DGKB: variants seen among roughly 807,000 people sequenced by gnomAD.
The protein encoded by DGKB is diacylglycerol kinase beta.
A neutral mutation model predicts 114.3 loss-of-function variants in DGKB; 67 were observed. That is an observed-to-expected ratio of 0.59 (90% confidence interval 0.48 to 0.72). The LOEUF is 0.72. Ranked by LOEUF, DGKB falls within the 30% of genes least tolerant of loss-of-function variation. The probability of loss-of-function intolerance (pLI) is 0.00; values close to 1 mark genes in which losing one functional copy is unlikely to be tolerated. For missense variants in DGKB, 907 were observed against 975.2 expected (o/e 0.93, Z 0.93); for synonymous variants, 398 against 323.1 (o/e 1.23, Z -2.49).
At chr7:14,193,677 A>G (rs1784622292) in intron 23 of DGKB, among the ~76,000 whole-genome samples, 1 of 152,204 alleles carries the variant, frequency 6.6e-6, no homozygotes, top group Non-Finnish European at 1.5e-5. Context: ...ACAGACAACG[A>G]AAGCAAAAAG....
chr7:14,891,569 A>G (rs1172738461), intron 1 of DGKB, among the ~76,000 whole-genome samples: 1 of 151,518 alleles, frequency 6.6e-6, no homozygotes, highest in Non-Finnish European at 1.5e-5. Flanking sequence ...GAAGAGATAA[A>G]GAGGGACCAT....
chr7:14,462,102 A>C (rs930632348), intron 21 of DGKB, among the ~76,000 whole-genome samples: 1 of 152,232 alleles, frequency 6.6e-6, no homozygotes, highest in African/African-American at 2.4e-5. Flanking sequence ...GATGGAATGT[A>C]TCTCAAAATA....
chr7:14,586,543 A>G (rs1584971113), intron 17 of DGKB, among the ~76,000 whole-genome samples: 1 of 152,152 alleles, frequency 6.6e-6, no homozygotes, highest in Admixed American at 6.6e-5. Flanking sequence ...CAATTTTTCA[A>G]TGTAGACAAC....
intron 2 of DGKB, among the ~76,000 whole-genome samples, chr7:14,786,167 C>T (rs1195374114): frequency 2.0e-5 from 3 of 151,968 alleles, no homozygotes; most frequent in Admixed American, 6.6e-5. Flanking sequence ...CACACACGCA[C>T]ACAGCCTTAA....
At chr7:14,708,874 C>G (rs1826798222) in intron 6 of DGKB, among the ~76,000 whole-genome samples, 1 of 150,942 alleles carries the variant, frequency 6.6e-6, no homozygotes, top group Non-Finnish European at 1.5e-5. Flanking sequence ...AAAAGAAAAC[C>G]TAGGCTTTAC....
intron 5 of DGKB, among the ~76,000 whole-genome samples, chr7:14,728,212 T>C (rs745951624): frequency 6.6e-6 from 1 of 152,172 alleles, no homozygotes; most frequent in Non-Finnish European, 1.5e-5. Context: ...GAGATAGCTG[T>C]TACTACTCTC....
chr7:14,392,162 T>A (rs1420697498), intron 21 of DGKB, among the ~76,000 whole-genome samples: 1 of 152,190 alleles, frequency 6.6e-6, no homozygotes. Context: ...GACTTGGAGG[T>A]ATGAATGCAT....
At chr7:14,804,995 T>C (rs951502553) in intron 2 of DGKB, among the ~76,000 whole-genome samples, 8 of 152,118 alleles carry the variant, frequency 5.3e-5, no homozygotes, top group African/African-American at 1.9e-4. Context: ...ATTTTTATTG[T>C]CTGATTTTCA....
chr7:14,649,722 C>A (rs550885015), intron 13 of DGKB, among the ~76,000 whole-genome samples: 3,111 of 139,872 alleles, frequency 0.022, 131 homozygotes, highest in African/African-American at 0.082. Flanking sequence ...AGAGTCAAGA[C>A]CCATCAGTGT....
intron 4 of DGKB, among the ~76,000 whole-genome samples, chr7:14,749,668 T>A (rs960114175): frequency 6.6e-6 from 1 of 152,150 alleles, no homozygotes; most frequent in Non-Finnish European, 1.5e-5. Flanking sequence ...TGTGACACTG[T>A]CTTGTCACAC....
chr7:14,668,833 C>G lies in DGKB; in HGVS notation c.1134+4096G>C, dbSNP rs146312358. On this transcript the variant is annotated intron_variant, in intron 13 of 25. Transcript: ENST00000402815. ...TTTGCATATATTCTCAACTCTCTGG[C>G]TGCCCTCTCTGTACATCACATTTGC... is the stretch of plus-strand genomic sequence containing the variant. Among the ~76,000 whole-genome samples, 4 of 152,244 alleles carry G rather than the reference C, an allele frequency of 2.6e-5. No individual in the cohort carries two copies. The East Asian group carries it at 7.7e-4, about 29-fold the overall frequency.
At chr7:14,182,584 A>G (rs1782800299) in intron 23 of DGKB, among the ~76,000 whole-genome samples, 2 of 152,206 alleles carry the variant, frequency 1.3e-5, no homozygotes, top group African/African-American at 4.8e-5. Context: ...TGTCATTTTA[A>G]AGTTTATAAA....
chr7:14,473,846 G>T (rs1017980712), intron 21 of DGKB, among the ~76,000 whole-genome samples: 6 of 152,170 alleles, frequency 3.9e-5, no homozygotes, highest in African/African-American at 1.4e-4. Context: ...TAGCCCCTTT[G>T]TTTTGGCCAA....
At chr7:14,390,379 A>G (rs1339219909) in intron 21 of DGKB, among the ~76,000 whole-genome samples, 1 of 152,188 alleles carries the variant, frequency 6.6e-6, no homozygotes, top group Non-Finnish European at 1.5e-5. Flanking sequence ...TTGGCAATGC[A>G]GTTTTTGAGG....
chr7:14,573,516 G>C (rs919467213), intron 20 of DGKB, among the ~76,000 whole-genome samples: 3 of 150,376 alleles, frequency 2.0e-5, no homozygotes, highest in African/African-American at 7.4e-5. Context: ...TATGAGATGT[G>C]ACATGACATA....
chr7:14,200,377 C>T (rs1785668375), intron 23 of DGKB, among the ~76,000 whole-genome samples: 1 of 151,990 alleles, frequency 6.6e-6, no homozygotes, highest in South Asian at 2.1e-4. Flanking sequence ...AGTGAGACAA[C>T]TCCTCATTGT....
chr7:14,636,123 A>G (rs1810708661), intron 13 of DGKB, among the ~76,000 whole-genome samples: 1 of 151,748 alleles, frequency 6.6e-6, no homozygotes, highest in Non-Finnish European at 1.5e-5. Flanking sequence ...GTTAAAGTCC[A>G]ATTCTGTACT....
chr7:14,545,007 A>T (rs1020754244), intron 20 of DGKB, among the ~76,000 whole-genome samples: 2 of 151,762 alleles, frequency 1.3e-5, no homozygotes, highest in African/African-American at 4.8e-5. Context: ...TAAAAAACAG[A>T]TTTTAAACAT....
At chr7:14,885,141 AATG>A (rs1262954956) in intron 1 of DGKB, among the ~76,000 whole-genome samples, 1 of 151,966 alleles carries the variant, frequency 6.6e-6, no homozygotes, top group Non-Finnish European at 1.5e-5. Flanking sequence ...ATGTTCCTTG[AATG>A]ATGAGTAGAG....
Sources: allele counts gnomAD v4.1 joint callset (sites outside exome capture counted in the v4.1 genomes callset), GRCh38; gene constraint gnomAD v4.1.1; transcripts MANE v1.5; gene names NCBI Gene and HGNC (gene_info 2026-07-23, HGNC 2026-07-21).